Variants in ACACA observed in about 807,000 individuals in gnomAD.
ACACA encodes the protein acetyl-CoA carboxylase 1.
Under a neutral mutation model 296.1 loss-of-function variants are expected in ACACA, and 103 were observed. That is an observed-to-expected ratio of 0.35 (90% CI 0.30 to 0.41). The LOEUF (loss-of-function observed/expected upper bound fraction) is 0.41. ACACA is among the 10% of genes least tolerant of loss of function. ACACA has a pLI of 1.00. For missense variants in ACACA, 1,554 were observed against 2,989.7 expected (o/e 0.52, Z 11.20); for synonymous variants, 953 against 1,038.6 (o/e 0.92, Z 1.58).
chr17:37,176,378 T>G (rs971763924), intron 41 of ACACA, among the ~76,000 whole-genome samples: 1 of 152,220 alleles, frequency 6.6e-6, no homozygotes. Flanking sequence ...GCATTTACAT[T>G]GAGCCTTGGC....
intron 3 of ACACA, among the ~76,000 whole-genome samples, chr17:37,290,709 T>C (rs2083007440): frequency 6.6e-6 from 1 of 152,154 alleles, no homozygotes; most frequent in African/African-American, 2.4e-5. Flanking sequence ...AATAATTATG[T>C]TTTTAGAGCA....
Position 37,161,931 on chromosome 17 carries a change from A to T in ACACA, c.5199T>A (p.Asp1733Glu). The change falls in exon 42 of 56, where the codon GAT becomes GAA. Residue 1733 changes from aspartate to glutamate, a missense_variant. Coordinates refer to ENST00000616317, the MANE Select transcript of ACACA (RefSeq NM_198834.3). ...YRIGSFGPQE[D>E]LLFLRASELA... is the part of the protein sequence containing the mutation. ...GTTCGGAAGCTCTGAGAAATAACAA[A>T]TCCTCTTGAGGCCCAAAGGACCCAA... is the stretch of plus-strand genomic sequence containing the variant. 1 of 1,614,172 alleles carries T rather than the reference A, an allele frequency of 6.2e-7. No homozygotes were observed.
At chr17:37,258,465 G>A (rs1567895813) in intron 12 of ACACA, 92 bp from the exon 13 acceptor site, 2 of 1,244,844 alleles carry the variant, frequency 1.6e-6, no homozygotes, top group Non-Finnish European at 2.3e-6. Flanking sequence ...TTTTATTTTT[G>A]GAGCCACTCC....
intron 1 of ACACA, chr17:37,379,204 T>G (rs1469031319): frequency 6.2e-7 from 1 of 1,613,916 alleles, no homozygotes; most frequent in African/African-American, 1.3e-5. Flanking sequence ...TGCAGTGCCT[T>G]GGCTCTGACA....
chr17:37,174,020 A>ATTTTTTTTTTT (rs71159693), intron 41 of ACACA, among the ~76,000 whole-genome samples: 14 of 16,794 alleles, frequency 8.3e-4, no homozygotes, highest in Admixed American at 1.3e-3. Flanking sequence ...ATATATATAT[A>ATTTTTTTTTTT]TTTTTTTTTT....
At chr17:37,240,395 A>G (rs1263828161) in intron 24 of ACACA, 81 bp downstream of exon 24, 20 of 1,252,220 alleles carry the variant, frequency 1.6e-5, no homozygotes, top group Non-Finnish European at 2.2e-5. Flanking sequence ...CTTAGCTCTT[A>G]CACAGTCCTA....
intron 16 of ACACA, 81 bp from the exon 17 acceptor site, chr17:37,248,755 T>C (rs761453333): frequency 5.5e-5 from 57 of 1,038,914 alleles, no homozygotes; most frequent in Non-Finnish European, 7.4e-5. Context: ...ATTGTAGCAT[T>C]TCCTAGAATA....
rs143571007 is a variant in ACACA, at chr17:37,390,967, G to A, written c.38+15295C>T. On this transcript the variant is annotated intron_variant, in intron 1 of 55. Coordinates refer to ENST00000616317, the MANE Select transcript of ACACA (RefSeq NM_198834.3). ...TAAAGGAATAAAAATAGGGCCAGGC[G>A]TGGTGGCTCATGCCTGTAATCCCAG... is the stretch of plus-strand genomic sequence containing the variant. 7.7e-3 allele frequency among the ~76,000 whole-genome samples: 1,172 copies of A among 151,940 alleles called. 10 individuals carry two copies. Among genetic ancestry groups the A allele is most frequent in the African/African-American group, 0.025 (1,040 of 41,404 alleles).
intron 45 of ACACA, among the ~76,000 whole-genome samples, chr17:37,143,062 A>G (rs1181599576): frequency 3.3e-5 from 5 of 152,210 alleles, no homozygotes; most frequent in Non-Finnish European, 7.3e-5. Context: ...GTACACAGAT[A>G]CTATTATTAC....
chr17:37,145,228 T>G (rs773640575), intron 45 of ACACA, among the ~76,000 whole-genome samples: 1 of 152,132 alleles, frequency 6.6e-6, no homozygotes, highest in Non-Finnish European at 1.5e-5. Context: ...CAGTGGCAAA[T>G]AGACTTAAGA....
chr17:37,346,322 A>AAG (rs1555654215), intron 1 of ACACA, among the ~76,000 whole-genome samples: 5 of 150,808 alleles, frequency 3.3e-5, no homozygotes, highest in African/African-American at 1.2e-4. Flanking sequence ...CTCTCAAAAA[A>AAG]AAAAAAAAAA....
At chr17:37,251,177 G>C (rs1256450793) in intron 16 of ACACA, among the ~76,000 whole-genome samples, 4 of 152,192 alleles carry the variant, frequency 2.6e-5, no homozygotes, top group Non-Finnish European at 5.9e-5. Context: ...ATATGTTGCA[G>C]AACAGAAATA....
intron 36 of ACACA, 118 bp from the exon 37 acceptor site, chr17:37,192,423 A>G: frequency 4.1e-6 from 4 of 963,860 alleles, no homozygotes; most frequent in Non-Finnish European, 6.4e-6. Context: ...TGTGCTAATG[A>G]GCAACAAAAA....
At chr17:37,235,715 T>C (rs1402559760) in intron 24 of ACACA, among the ~76,000 whole-genome samples, 1 of 152,140 alleles carries the variant, frequency 6.6e-6, no homozygotes, top group Non-Finnish European at 1.5e-5. Context: ...CTTCTGTTAG[T>C]CCTTGAAACA....
intron 1 of ACACA, chr17:37,392,506 C>T (rs967536998): frequency 2.0e-5 from 3 of 152,100 alleles, no homozygotes; most frequent in Admixed American, 6.6e-5. Flanking sequence ...AGTGAAACCA[C>T]CTGATCTTGA....
At position 37,406,338 on chromosome 17, in the gene ACACA, C is replaced by A. The variant is rs1461830053; in HGVS notation, c.-39G>T. The A allele has an allele frequency of 5.0e-6, 8 of 1,610,912 alleles. No homozygotes were observed. Among genetic ancestry groups the A allele is most frequent in the Non-Finnish European group, 5.9e-6 (7 of 1,177,138 alleles). ...CGCCTCAATTTGGGCCTCTGAAGCC[C>A]AAAGAGGGGATGGTTCTTTCCAAAG... is the stretch of plus-strand genomic sequence containing the variant. On this transcript the variant is annotated 5_prime_UTR_variant, in exon 1 of 56. Coordinates refer to ENST00000616317, the MANE Select transcript of ACACA (RefSeq NM_198834.3).
At chr17:37,228,348 T>G (rs2079655445) in intron 25 of ACACA, among the ~76,000 whole-genome samples, 2 of 151,936 alleles carry the variant, frequency 1.3e-5, no homozygotes, top group Non-Finnish European at 2.9e-5. Flanking sequence ...CAAGTACTGT[T>G]TTCACCCATT....
At chr17:37,388,616 C>T (rs1322575583) in intron 1 of ACACA, 19 of 1,566,664 alleles carry the variant, frequency 1.2e-5, no homozygotes, top group Non-Finnish European at 1.5e-5. Flanking sequence ...GGATCAATCT[C>T]TTTCCTCTCT....
intron 3 of ACACA, among the ~76,000 whole-genome samples, chr17:37,288,561 T>C (rs2082897826): frequency 6.6e-6 from 1 of 152,196 alleles, no homozygotes; most frequent in African/African-American, 2.4e-5. Flanking sequence ...AATGGTTACA[T>C]GGGTAGATAT....
Sources: allele counts gnomAD v4.1 joint callset (sites outside exome capture counted in the v4.1 genomes callset), GRCh38; gene constraint gnomAD v4.1.1; transcripts MANE v1.5; gene names NCBI Gene and HGNC (gene_info 2026-07-23, HGNC 2026-07-21).